CHLSN: variants seen among roughly 807,000 people sequenced by gnomAD.
CHLSN encodes the protein protein cholesin.
the CHLSN span, chr7:985,162 G>A: frequency 2.1e-5 from 34 of 1,586,804 alleles, no homozygotes; most frequent in Admixed American, 7.3e-5. Flanking sequence ...CGTCTCCCTC[G>A]CAGGCCGGCC....
the CHLSN span, among the ~76,000 whole-genome samples, chr7:1,114,592 G>A: frequency 1.4e-3 from 215 of 152,384 alleles, no homozygotes; most frequent in Admixed American, 2.9e-3. Context: ...AGGCCGTGAT[G>A]GGCGCGGGGC....
the CHLSN span, among the ~76,000 whole-genome samples, chr7:1,113,161 C>T: frequency 6.6e-6 from 1 of 151,980 alleles, no homozygotes; most frequent in African/African-American, 2.4e-5. Context: ...CTGTGCGAGG[C>T]ATCCACGTCG....
At chr7:1,083,358 C>T in the CHLSN span, among the ~76,000 whole-genome samples, 2 of 152,170 alleles carry the variant, frequency 1.3e-5, no homozygotes, top group African/African-American at 4.8e-5. Context: ...GGCGCGGTGG[C>T]TCAAGCCTGT....
chr7:1,012,294 G>C, the CHLSN span, among the ~76,000 whole-genome samples: 20 of 152,346 alleles, frequency 1.3e-4, no homozygotes, highest in African/African-American at 4.1e-4. Flanking sequence ...CTGTGGTAGG[G>C]TCCCAGGTTG....
chr7:1,105,780 A>G, the CHLSN span, among the ~76,000 whole-genome samples: 1 of 152,114 alleles, frequency 6.6e-6, no homozygotes, highest in Non-Finnish European at 1.5e-5. Flanking sequence ...CTTGGCTAAC[A>G]TTTCTCTTTC....
the CHLSN span, among the ~76,000 whole-genome samples, chr7:1,105,428 C>T: frequency 6.6e-6 from 1 of 152,190 alleles, no homozygotes; most frequent in South Asian, 2.1e-4. Context: ...GGGGCTGCCT[C>T]ATGGGGTGGC....
chr7:1,022,999 C>G, the CHLSN span: 5 of 466,536 alleles, frequency 1.1e-5, no homozygotes, highest in South Asian at 7.7e-5. Context: ...ACGTGAGCTC[C>G]TGGAGGACAG....
the CHLSN span, among the ~76,000 whole-genome samples, chr7:1,105,845 AAG>A: frequency 6.6e-6 from 1 of 152,228 alleles, no homozygotes; most frequent in Admixed American, 6.5e-5. Context: ...TACTTTTAAA[AAG>A]AGGAGGAAAA....
At chr7:1,077,078 C>T in the CHLSN span, among the ~76,000 whole-genome samples, 2 of 152,246 alleles carry the variant, frequency 1.3e-5, no homozygotes, top group Admixed American at 6.5e-5. Flanking sequence ...CGACAGGGTC[C>T]GAGGAAGGCG....
At chr7:1,064,020 G>A in the CHLSN span, among the ~76,000 whole-genome samples, 1 of 152,012 alleles carries the variant, frequency 6.6e-6, no homozygotes, top group Non-Finnish European at 1.5e-5. Flanking sequence ...ACTCAAAACT[G>A]GCAGCCTCTG....
chr7:1,084,822 G>A, the CHLSN span, among the ~76,000 whole-genome samples: 2 of 152,254 alleles, frequency 1.3e-5, no homozygotes, highest in Non-Finnish European at 2.9e-5. Context: ...TGAAAACCAG[G>A]GTTGTTTGGA....
chr7:989,729 G>T, the CHLSN span: 1 of 170,328 alleles, frequency 5.9e-6, no homozygotes. Flanking sequence ...GCAGTGAGCC[G>T]AGTTCGCACC....
chr7:1,023,940 A>T, the CHLSN span, among the ~76,000 whole-genome samples: 2 of 151,892 alleles, frequency 1.3e-5, no homozygotes, highest in Non-Finnish European at 2.9e-5. This position sits in a 1 kb window ranked among gnomAD's most constrained non-coding sequence, Gnocchi z 5.0. Context: ...TCCTGGGCTC[A>T]AGCAATCCTC....
the CHLSN span, chr7:985,110 G>C: frequency 5.6e-5 from 90 of 1,610,244 alleles, 3 homozygotes; most frequent in Middle Eastern, 6.6e-4. Context: ...GTGAGCAGGG[G>C]GCCGGGGACG....
chr7:1,135,954 T>TATAAGTATATATAAATATAC, the CHLSN span, among the ~76,000 whole-genome samples: 4 of 125,146 alleles, frequency 3.2e-5, no homozygotes, highest in African/African-American at 9.6e-5. Context: ...TATAAATATA[T>TATAAGTATATATAAATATAC]ATAAATATAT....
the CHLSN span, among the ~76,000 whole-genome samples, chr7:1,070,777 A>C: frequency 6.7e-6 from 1 of 148,492 alleles, no homozygotes; most frequent in Non-Finnish European, 1.5e-5. Flanking sequence ...ATGCACACGC[A>C]CGCACACGGA....
chr7:1,083,260 C>T, the CHLSN span, among the ~76,000 whole-genome samples: 1 of 152,256 alleles, frequency 6.6e-6, no homozygotes, highest in Non-Finnish European at 1.5e-5. Flanking sequence ...GCTGGAGTCA[C>T]GCCCAGGGGC....
chr7:1,073,360 G>A, the CHLSN span, among the ~76,000 whole-genome samples: 1 of 152,032 alleles, frequency 6.6e-6, no homozygotes, highest in African/African-American at 2.4e-5. Context: ...GAGACAAGTG[G>A]CCGGCAGCTA....
the CHLSN span, among the ~76,000 whole-genome samples, chr7:1,023,797 C>G: frequency 6.6e-6 from 1 of 152,140 alleles, no homozygotes; most frequent in Non-Finnish European, 1.5e-5. This position sits in a 1 kb window ranked among gnomAD's most constrained non-coding sequence, Gnocchi z 5.0. Context: ...AGGGCTGGAG[C>G]AGCGGCCCCT....
Sources: gnomAD v4.1 joint callset for allele counts (sites outside exome capture counted in the v4.1 genomes callset) on GRCh38, gnomAD v4.1.1 for gene constraint, Gnocchi (gnomAD v3.1) non-coding constraint, MANE v1.5 for transcripts, NCBI Gene and HGNC (gene_info 2026-07-23, HGNC 2026-07-21) for gene names.